The following MTX2 variants were observed in gnomAD, a reference collection of about 807,000 sequenced individuals.
MTX2 encodes the protein metaxin 2.
MTX2 carries 35 observed loss-of-function variants against 42.3 expected under a neutral mutation model. That is an observed-to-expected ratio of 0.83 (90% CI 0.63 to 1.10). MTX2 has a LOEUF of 1.10. Ranked by LOEUF, MTX2 falls within the 50% of genes least tolerant of loss-of-function variation. The pLI is 0.00. For missense variants in MTX2, 307 were observed against 304.1 expected (o/e 1.01, Z -0.07); for synonymous variants, 119 against 100.9 (o/e 1.18, Z -1.08).
intron 1 of MTX2, among the ~76,000 whole-genome samples, chr2:176,285,411 C>T (rs1282113391): frequency 1.3e-5 from 2 of 148,354 alleles, no homozygotes; most frequent in Admixed American, 1.4e-4. Context: ...GTGACTATTG[C>T]CACAATCTTT....
chr2:176,319,130 G>A (rs2105435884), intron 3 of MTX2, among the ~76,000 whole-genome samples: 1 of 152,278 alleles, frequency 6.6e-6, no homozygotes, highest in East Asian at 1.9e-4. Context: ...TAGCTGAGTT[G>A]TTCCAAGTTC....
In MTX2 at chr2:176,326,896, GC is replaced by G; in HGVS notation, c.282del (p.Lys95ArgfsTer17). 6.6e-7 allele frequency: 1 copy of G among 1,524,560 alleles called. No homozygotes were observed. The allele number at this position is 1,524,560 out of a possible 1,614,324, so 94.4% of individuals were successfully genotyped here. ...ELGPIVQFVK[A>X]KGHSLSDGLE... is the part of the protein sequence containing the mutation. ...TGGTCCAATAGTCCAATTTGTTAAA[GC>G]CAAGGTAATAAAAAGATATTAAATG... On this transcript the variant is annotated frameshift_variant, in exon 5 of 10. Transcript: ENST00000249442. LOFTEE classifies it high-confidence loss of function.
intron 8 of MTX2, among the ~76,000 whole-genome samples, 171 bp downstream of exon 8, chr2:176,329,597 T>A (rs553630890): frequency 1.3e-5 from 2 of 151,322 alleles, no homozygotes; most frequent in Non-Finnish European, 3.0e-5. Context: ...ACATGCTTGA[T>A]GTAAAGCAAA....
intron 3 of MTX2, among the ~76,000 whole-genome samples, chr2:176,320,189 A>G (rs1056328619): frequency 2.6e-5 from 4 of 152,058 alleles, no homozygotes; most frequent in Admixed American, 2.0e-4. Flanking sequence ...TGAAGGTTGC[A>G]TTGAGCTGAG....
chr2:176,302,757 G>C (rs1293155325), intron 3 of MTX2, among the ~76,000 whole-genome samples: 3 of 152,076 alleles, frequency 2.0e-5, no homozygotes, highest in Non-Finnish European at 2.9e-5. Flanking sequence ...CATTTTTATA[G>C]GCCCCATTAA....
intron 1 of MTX2, among the ~76,000 whole-genome samples, chr2:176,293,194 T>C (rs1399260331): frequency 6.6e-6 from 1 of 152,228 alleles, no homozygotes; most frequent in Non-Finnish European, 1.5e-5. Flanking sequence ...GAGTTCTTTT[T>C]CCCACTCCAG....
At chr2:176,330,353 T>C (rs1684830804) in intron 8 of MTX2, among the ~76,000 whole-genome samples, 1 of 149,798 alleles carries the variant, frequency 6.7e-6, no homozygotes, top group South Asian at 2.1e-4. Context: ...TATACTTATA[T>C]AGAAAGTATT....
chr2:176,282,076 G>A (rs1386482740), intron 1 of MTX2, among the ~76,000 whole-genome samples: 1 of 112,430 alleles, frequency 8.9e-6, no homozygotes, highest in Non-Finnish European at 1.7e-5. Flanking sequence ...TTGTTGAGAT[G>A]TTATCCTTCC....
At chr2:176,319,991 T>G (rs139399968) in intron 3 of MTX2, among the ~76,000 whole-genome samples, 38 of 152,334 alleles carry the variant, frequency 2.5e-4, no homozygotes, top group Admixed American at 7.8e-4. Context: ...TTTTGCATTT[T>G]TAAAGTTTGG....
intron 3 of MTX2, among the ~76,000 whole-genome samples, chr2:176,312,247 C>T (rs1684332576): frequency 6.6e-6 from 1 of 152,112 alleles, no homozygotes; most frequent in African/African-American, 2.4e-5. Context: ...TTTCTGTGAA[C>T]TTAGGAATGT....
chr2:176,324,810 T>G (rs1684671820), intron 4 of MTX2, among the ~76,000 whole-genome samples: 1 of 151,590 alleles, frequency 6.6e-6, no homozygotes, highest in Admixed American at 6.6e-5. Context: ...TTCATAGGAG[T>G]CTCCTATAGG....
chr2:176,327,046 G>A (rs1231545541), intron 5 of MTX2, 145 bp downstream of exon 5: 3 of 466,810 alleles, frequency 6.4e-6, no homozygotes, highest in Non-Finnish European at 1.1e-5. Flanking sequence ...GTGTAAGTTA[G>A]TATTTTTTCA....
intron 1 of MTX2, among the ~76,000 whole-genome samples, chr2:176,277,864 A>G (rs1176942365): frequency 6.6e-6 from 1 of 152,050 alleles, no homozygotes; most frequent in Non-Finnish European, 1.5e-5. Flanking sequence ...CATATGAATA[A>G]TCTTACACAG....
chr2:176,329,757 A>C (rs1684809298), intron 8 of MTX2, among the ~76,000 whole-genome samples: 1 of 149,444 alleles, frequency 6.7e-6, no homozygotes, highest in South Asian at 2.1e-4. Context: ...CTGCTACTGT[A>C]TAACCTGAGG....
intron 9 of MTX2, among the ~76,000 whole-genome samples, chr2:176,332,227 T>G (rs1010498129): frequency 1.3e-5 from 2 of 151,386 alleles, no homozygotes; most frequent in South Asian, 2.1e-4. Flanking sequence ...TTAATTTTAT[T>G]CGATCATTTA....
At chr2:176,310,523 T>G (rs892793155) in intron 3 of MTX2, among the ~76,000 whole-genome samples, 1 of 152,212 alleles carries the variant, frequency 6.6e-6, no homozygotes, top group African/African-American at 2.4e-5. Context: ...CCCCATCACT[T>G]TCAGATACAC....
intron 1 of MTX2, among the ~76,000 whole-genome samples, chr2:176,274,150 A>G (rs1692890897): frequency 6.6e-6 from 1 of 151,784 alleles, no homozygotes; most frequent in Non-Finnish European, 1.5e-5. Flanking sequence ...TTTTTTCCTG[A>G]TAATGATAAT....
At chr2:176,285,106 C>T (rs550845385) in intron 1 of MTX2, among the ~76,000 whole-genome samples, 58 of 152,310 alleles carry the variant, frequency 3.8e-4, no homozygotes, top group African/African-American at 1.3e-3. Flanking sequence ...GTTGTGTGTT[C>T]ACTGACTGTA....
At chr2:176,288,056 T>A (rs1693247868) in intron 1 of MTX2, among the ~76,000 whole-genome samples, 2 of 152,118 alleles carry the variant, frequency 1.3e-5, no homozygotes, top group African/African-American at 4.8e-5. Flanking sequence ...CACTTCTGCT[T>A]ACACATCCTG....
Sources: allele counts gnomAD v4.1 joint callset (sites outside exome capture counted in the v4.1 genomes callset), GRCh38; gene constraint gnomAD v4.1.1; transcripts MANE v1.5; gene names NCBI Gene and HGNC (gene_info 2026-07-23, HGNC 2026-07-21).